Variants in CRY2 observed in about 807,000 individuals in gnomAD.
CRY2 encodes the protein cryptochrome circadian regulator 2.
Under a neutral mutation model 69.5 loss-of-function variants are expected in CRY2, and 31 were observed. The ratio of observed to expected loss-of-function variants is 0.45; its 90% CI spans 0.34 to 0.60. CRY2 has a LOEUF of 0.60. Among genes scored for constraint, CRY2 ranks in the 20% least tolerant of loss-of-function variants. CRY2 has a pLI of 0.02. For missense variants in CRY2, 606 were observed against 797.8 expected (o/e 0.76, Z 2.90); for synonymous variants, 303 against 312.2 (o/e 0.97, Z 0.31).
chr11:45,858,904 C>A, intron 3 of CRY2, 31 bp downstream of exon 3: 2 of 1,604,142 alleles, frequency 1.2e-6, no homozygotes, highest in South Asian at 2.2e-5. Context: ...ATCAGGTTAC[C>A]AATTGTGAGA....
intron 1 of CRY2, among the ~76,000 whole-genome samples, chr11:45,854,408 T>A (rs953876323): frequency 4.6e-5 from 7 of 152,062 alleles, no homozygotes; most frequent in Admixed American, 3.9e-4. Flanking sequence ...CACAGAACCC[T>A]CACGGTGGCT....
At position 45,879,597 on chromosome 11, in the gene CRY2, T is replaced by C. The variant is rs7949978; in HGVS notation, c.*3-1317T>C. Among the ~76,000 whole-genome samples, 1,496 of 152,350 alleles carry C rather than the reference T, an allele frequency of 9.8e-3. 36 individuals are homozygous for C. Among genetic ancestry groups the C allele is most frequent in the African/African-American group, 0.033 (1,375 of 41,582 alleles). On this transcript the variant is annotated intron_variant, in intron 11 of 11. Transcript: ENST00000616080. ...GATTTGAGAATCAGACAGATGTGGA[T>C]TTCCTTTTTTGGCTCTGCCACTTAT...
At chr11:45,852,508 TCATTCTCTG>T (rs1337664012) in intron 1 of CRY2, among the ~76,000 whole-genome samples, 2 of 152,206 alleles carry the variant, frequency 1.3e-5, no homozygotes, top group African/African-American at 4.8e-5. Flanking sequence ...TGGTGGCTTC[TCATTCTCTG>T]CATTCTCTGG....
chr11:45,879,045 C>T (rs1280657223), intron 11 of CRY2, among the ~76,000 whole-genome samples: 1 of 149,484 alleles, frequency 6.7e-6, no homozygotes, highest in Non-Finnish European at 1.5e-5. Context: ...GCCTGACCAA[C>T]ATGGAGAAAC....
At chr11:45,855,725 G>A (rs144674407) in intron 1 of CRY2, among the ~76,000 whole-genome samples, 1 of 152,246 alleles carries the variant, frequency 6.6e-6, no homozygotes, top group East Asian at 1.9e-4. Flanking sequence ...TCACATTACC[G>A]GCGAGAAAAC....
chr11:45,870,109 G>A lies in CRY2; in HGVS notation c.1251G>A (p.Met417Ile). ...ADFSVNAGSW[M>I]WLSCSAFFQQ... ...TCAGCGTGAACGCAGGCAGCTGGAT[G>A]TGGCTGTCCTGCAGTGCTTTCTTCC... is the stretch of plus-strand genomic sequence containing the variant. The change falls in exon 8 of 12, where the codon ATG (methionine) becomes ATA (isoleucine). Residue 417 changes from methionine to isoleucine, a missense_variant. Physicochemically the swap from Met to Ile is conservative, Grantham distance 10 (BLOSUM62 1). Coordinates refer to ENST00000616080, the MANE Select transcript of CRY2 (RefSeq NM_021117.5). 2.5e-6 allele frequency: 4 copies of A among 1,613,516 alleles called. No individual in the cohort carries two copies. The highest frequency in any genetic ancestry group is 3.4e-6 in the Non-Finnish European group (4 of 1,179,690).
chr11:45,858,694 AAC>A (rs751012770), intron 2 of CRY2, 35 bp from the exon 3 acceptor site: 340 of 1,589,890 alleles, frequency 2.1e-4, no homozygotes, highest in Admixed American at 1.3e-3. Context: ...CTCCTCCCCA[AAC>A]ACAGTGTTGA....
chr11:45,864,721 A>G (rs1346844098), intron 5 of CRY2, among the ~76,000 whole-genome samples: 1 of 152,070 alleles, frequency 6.6e-6, no homozygotes, highest in East Asian at 1.9e-4. Flanking sequence ...TACAAAAACT[A>G]GTTAGGCATG....
At chr11:45,858,697 A>T (rs1446977254) in intron 2 of CRY2, 34 bp from the exon 3 acceptor site, 3 of 1,593,656 alleles carry the variant, frequency 1.9e-6, no homozygotes, top group Non-Finnish European at 2.6e-6. Context: ...CTCCCCAAAC[A>T]CAGTGTTGAG....
intron 6 of CRY2, 28 bp from the exon 7 acceptor site, chr11:45,869,478 G>A: frequency 1.3e-6 from 2 of 1,581,586 alleles, no homozygotes; most frequent in Non-Finnish European, 8.6e-7. Context: ...GCGAGTGTTT[G>A]TATCCATGTG....
At chr11:45,849,968 G>T (rs75955882) in intron 1 of CRY2, among the ~76,000 whole-genome samples, 7,790 of 151,528 alleles carry the variant, frequency 0.051, 650 homozygotes, top group African/African-American at 0.18. Context: ...TATGGCCTGG[G>T]CATTAAGGTT....
In CRY2 at chr11:45,880,701, T is replaced by C. The variant is rs542593967; in HGVS notation, c.*3-213T>C. Among the ~76,000 whole-genome samples the C allele has an allele frequency of 5.3e-4, 80 of 152,290 alleles. 1 individual carries two copies. Among genetic ancestry groups the C allele is most frequent in the Non-Finnish European group, 4.4e-5 (3 of 68,008 alleles). ...AGGGCCTGCAGTGGGGAGCTTGTCC[T>C]GCATCAGCACCTCAGAGGGGCAGTA... On this transcript the variant is annotated intron_variant, in intron 11 of 11. Transcript: ENST00000616080.
At chr11:45,862,403 A>G (rs922288550) in intron 5 of CRY2, among the ~76,000 whole-genome samples, 4 of 143,386 alleles carry the variant, frequency 2.8e-5, no homozygotes, top group African/African-American at 1.0e-4. Context: ...AATCTTTCCA[A>G]TAGCCTGCAA....
intron 11 of CRY2, among the ~76,000 whole-genome samples, chr11:45,878,546 T>TA (rs1438826906): frequency 3.3e-5 from 5 of 152,166 alleles, no homozygotes; most frequent in Non-Finnish European, 5.9e-5. Flanking sequence ...TAATAATACA[T>TA]ACATTTGTAG....
chr11:45,869,851 CCCTCT>C (rs2134644517), intron 7 of CRY2, 34 bp downstream of exon 7: 1 of 1,575,270 alleles, frequency 6.3e-7, no homozygotes, highest in African/African-American at 1.3e-5. Context: ...CTGGCCTGTA[CCCTCT>C]GGTCAGGCCC....
Position 45,860,905 on chromosome 11 carries a change from C to T in CRY2, c.525C>T (p.Ile175=). The T allele has an allele frequency of 6.2e-7, 1 of 1,614,172 alleles. No individual in the cohort carries two copies. The highest frequency in any genetic ancestry group is 1.1e-5 in the South Asian group (1 of 91,086). Residue 175 remains isoleucine, a synonymous_variant, in exon 4 of 12, where the codon ATC becomes ATT. Transcript: ENST00000616080. ...PPLTYKRFQA[I]ISRMELPKKP... ...TTACATACAAGCGCTTTCAGGCCAT[C>T]ATCAGCCGCATGGAGCTGCCCAAGA...
intron 3 of CRY2, 23 bp downstream of exon 3, chr11:45,858,896 C>T (rs2086263992): frequency 6.2e-7 from 1 of 1,608,326 alleles, no homozygotes; most frequent in South Asian, 1.1e-5. Context: ...GCCCAGGGAT[C>T]AGGTTACCAA....
intron 1 of CRY2, among the ~76,000 whole-genome samples, chr11:45,849,898 C>T (rs1450742462): frequency 1.3e-5 from 2 of 152,082 alleles, no homozygotes; most frequent in East Asian, 3.9e-4. Context: ...GCTGGGATTA[C>T]AGGGCATGAG....
intron 4 of CRY2, 184 bp from the exon 5 acceptor site, chr11:45,861,876 T>C (rs553881858): frequency 5.1e-6 from 3 of 591,786 alleles, no homozygotes; most frequent in Admixed American, 6.2e-5. Context: ...GCAGAGAAAA[T>C]AGTGACTGTG....
Sources: allele counts gnomAD v4.1 joint callset (sites outside exome capture counted in the v4.1 genomes callset), GRCh38; gene constraint gnomAD v4.1.1; transcripts MANE v1.5; gene names NCBI Gene and HGNC (gene_info 2026-07-23, HGNC 2026-07-21).